The following LRRC7 variants were observed in gnomAD, a reference collection of about 807,000 sequenced individuals.
LRRC7 encodes leucine-rich repeat-containing protein 7.
LRRC7 carries 23 observed loss-of-function variants against 175.7 expected under a neutral mutation model. The observed-to-expected ratio is 0.13, with a 90% CI of 0.09 to 0.19. LRRC7 has a LOEUF of 0.19. Among genes scored for constraint, LRRC7 ranks in the 10% least tolerant of loss-of-function variants. The pLI is 1.00. For missense variants in LRRC7, 1,354 were observed against 1,904.7 expected (o/e 0.71, Z 5.38); for synonymous variants, 685 against 680.9 (o/e 1.01, Z -0.09).
At chr1:69,846,720 T>G (rs1267592074) in intron 7 of LRRC7, among the ~76,000 whole-genome samples, 2 of 152,042 alleles carry the variant, frequency 1.3e-5, no homozygotes, top group Admixed American at 6.6e-5. Flanking sequence ...AAATATATTT[T>G]GGGTAAGAGT....
chr1:69,766,957 TG>T (rs1323295681), intron 3 of LRRC7, among the ~76,000 whole-genome samples: 12 of 152,312 alleles, frequency 7.9e-5, no homozygotes, highest in African/African-American at 2.6e-4. Flanking sequence ...TTCACAGAAT[TG>T]CACAGCCGTC....
intron 3 of LRRC7, among the ~76,000 whole-genome samples, chr1:69,786,618 G>T (rs7517130): frequency 6.6e-6 from 1 of 152,218 alleles, no homozygotes; most frequent in East Asian, 1.9e-4. Context: ...AAGGTAAAAG[G>T]CACATCTCAC....
intron 2 of LRRC7, among the ~76,000 whole-genome samples, chr1:69,755,416 A>C (rs1042695531): frequency 6.7e-6 from 1 of 149,522 alleles, no homozygotes; most frequent in Non-Finnish European, 1.5e-5. Context: ...ATATATATAT[A>C]TATTTTGCAA....
chr1:69,986,147 T>G (rs1452375620), intron 9 of LRRC7, 95 bp from the exon 10 acceptor site: 1 of 1,147,800 alleles, frequency 8.7e-7, no homozygotes, highest in Admixed American at 2.5e-5. Context: ...TGTGGTTGCT[T>G]TTAAAATAAA....
At chr1:69,608,876 A>C (rs201544400) in intron 1 of LRRC7, among the ~76,000 whole-genome samples, 31 of 88,670 alleles carry the variant, frequency 3.5e-4, no homozygotes, top group African/African-American at 1.3e-3. Flanking sequence ...CTATATATAT[A>C]TATATATATA....
At chr1:69,714,401 A>C (rs1427585582) in intron 2 of LRRC7, among the ~76,000 whole-genome samples, 3 of 152,224 alleles carry the variant, frequency 2.0e-5, no homozygotes, top group Admixed American at 1.3e-4. Flanking sequence ...AAAAAGTTAC[A>C]GTTTAGTCAT....
chr1:70,066,258 T>C (rs1661965088), intron 23 of LRRC7, among the ~76,000 whole-genome samples: 1 of 152,006 alleles, frequency 6.6e-6, no homozygotes, highest in African/African-American at 2.4e-5. Flanking sequence ...CTAATTATTA[T>C]ATCTGCATTT....
At chr1:69,737,708 G>C (rs1324619610) in intron 2 of LRRC7, among the ~76,000 whole-genome samples, 1 of 152,014 alleles carries the variant, frequency 6.6e-6, no homozygotes, top group African/African-American at 2.4e-5. Flanking sequence ...TCCAGTGTTA[G>C]ACACTTCCCA....
intron 3 of LRRC7, among the ~76,000 whole-genome samples, chr1:69,776,380 T>C (rs1459847773): frequency 6.6e-6 from 1 of 152,146 alleles, no homozygotes; most frequent in Non-Finnish European, 1.5e-5. Flanking sequence ...TGAGAAATGA[T>C]AGTTGCACTT....
At chr1:70,085,194 A>G (rs753327866) in intron 24 of LRRC7, among the ~76,000 whole-genome samples, 15 of 152,128 alleles carry the variant, frequency 9.9e-5, no homozygotes, top group Non-Finnish European at 1.6e-4. Context: ...TTTCATATTT[A>G]AGAATCATTG....
At chr1:69,821,746 T>G (rs1311217591) in intron 4 of LRRC7, among the ~76,000 whole-genome samples, 1 of 151,982 alleles carries the variant, frequency 6.6e-6, no homozygotes, top group African/African-American at 2.4e-5. Context: ...ATACAAAAAA[T>G]TAGCCTGGTG....
At chr1:69,988,400 T>A (rs1438452908) in intron 10 of LRRC7, among the ~76,000 whole-genome samples, 1 of 151,980 alleles carries the variant, frequency 6.6e-6, no homozygotes, top group Non-Finnish European at 1.5e-5. Context: ...CAAGACTCCA[T>A]CTCTGAAAAA....
At chr1:70,010,377 C>A (rs916653827) in intron 11 of LRRC7, among the ~76,000 whole-genome samples, 9 of 152,140 alleles carry the variant, frequency 5.9e-5, no homozygotes, top group African/African-American at 1.4e-4. Flanking sequence ...ACCAGCCTGG[C>A]CAACATGGCA....
At chr1:69,630,612 C>CAT (rs138004833) in intron 1 of LRRC7, among the ~76,000 whole-genome samples, 19,486 of 152,016 alleles carry the variant, frequency 0.13, 1,590 homozygotes, top group South Asian at 0.19. Context: ...CATTTTACTT[C>CAT]AGTTTCAATT....
At chr1:69,709,199 GT>G in intron 2 of LRRC7, among the ~76,000 whole-genome samples, 1 of 152,176 alleles carries the variant, frequency 6.6e-6, no homozygotes, top group Non-Finnish European at 1.5e-5. Flanking sequence ...AAATAACATA[GT>G]AAAGTTTATT....
chr1:69,663,220 A>G (rs537792329), intron 1 of LRRC7, among the ~76,000 whole-genome samples: 3 of 152,206 alleles, frequency 2.0e-5, no homozygotes, highest in African/African-American at 7.2e-5. Context: ...AATGTGAGTC[A>G]TATGTATGTT....
chr1:69,936,879 G>A (rs888114333), intron 8 of LRRC7, among the ~76,000 whole-genome samples: 1 of 152,068 alleles, frequency 6.6e-6, no homozygotes, highest in African/African-American at 2.4e-5. Flanking sequence ...CTGCATCCAT[G>A]TTGTTGCAAA....
chr1:69,873,533 A>C, intron 7 of LRRC7: 1 of 525,544 alleles, frequency 1.9e-6, no homozygotes, highest in South Asian at 1.4e-5. Flanking sequence ...CCTACAACAG[A>C]GGATGTGGAG....
chr1:69,817,915 A>G (rs1483567390), intron 4 of LRRC7, among the ~76,000 whole-genome samples: 2 of 151,976 alleles, frequency 1.3e-5, no homozygotes, highest in East Asian at 1.9e-4. Flanking sequence ...TCTTTTTCAC[A>G]TAGTTTGTTG....
Sources: allele counts gnomAD v4.1 joint callset (sites outside exome capture counted in the v4.1 genomes callset), GRCh38; gene constraint gnomAD v4.1.1; transcripts MANE v1.5; gene names NCBI Gene and HGNC (gene_info 2026-07-23, HGNC 2026-07-21).